The following TSHZ2 variants were observed in gnomAD, a reference collection of about 807,000 sequenced individuals.
The protein encoded by TSHZ2 is teashirt zinc finger homeobox 2.
Under a neutral mutation model 74.4 loss-of-function variants are expected in TSHZ2, and 21 were observed. The ratio of observed to expected loss-of-function variants is 0.28; its 90% confidence interval spans 0.20 to 0.41. TSHZ2 has a LOEUF of 0.41. Among genes scored for constraint, TSHZ2 ranks in the 10% least tolerant of loss-of-function variants. The probability of loss-of-function intolerance (pLI) is 1.00; values close to 1 mark genes in which losing one functional copy is unlikely to be tolerated. For synonymous variants in TSHZ2, 540 were observed against 515.3 expected (o/e 1.05, Z -0.65); for missense variants, 1,244 against 1,293.5 (o/e 0.96, Z 0.59).
At chr20:52,981,998 A>C (rs1981585815) in intron 1 of TSHZ2, among the ~76,000 whole-genome samples, 1 of 152,242 alleles carries the variant, frequency 6.6e-6, no homozygotes, top group South Asian at 2.1e-4. Context: ...AAAGAAATTT[A>C]TAAAGGAAAA....
intron 1 of TSHZ2, among the ~76,000 whole-genome samples, chr20:53,041,263 A>G (rs1218489049): frequency 6.6e-6 from 1 of 152,244 alleles, no homozygotes; most frequent in African/African-American, 2.4e-5. Flanking sequence ...CATCAGAATT[A>G]GGTCTTATTC....
intron 1 of TSHZ2, among the ~76,000 whole-genome samples, chr20:53,141,925 G>C (rs939169383): frequency 2.0e-5 from 3 of 152,234 alleles, no homozygotes; most frequent in Admixed American, 6.5e-5. Flanking sequence ...CCAGGCACCA[G>C]CTGGAAACCT....
At position 53,407,532 on chromosome 20, in the gene TSHZ2, T is replaced by C. The variant is rs1273429055; in HGVS notation, c.*9-79612T>C. On this transcript the variant is annotated intron_variant, in intron 2 of 2. Coordinates refer to ENST00000371497, the MANE Select transcript of TSHZ2 (RefSeq NM_173485.6). ...AGAGATTCATTTCCATGGAATCTCG[T>C]GGAAATGAAGAGGATCAGAAGCCAC... is the stretch of plus-strand genomic sequence containing the variant. 3.9e-5 allele frequency among the ~76,000 whole-genome samples: 6 copies of C among 152,312 alleles called. No homozygotes were observed. In the East Asian group the frequency reaches 1.2e-3, roughly 29 times the overall value.
At chr20:53,024,077 G>T (rs576009847) in intron 1 of TSHZ2, among the ~76,000 whole-genome samples, 10 of 151,064 alleles carry the variant, frequency 6.6e-5, no homozygotes, top group Admixed American at 5.9e-4. Flanking sequence ...GTGGGAAGGA[G>T]AAAAAGTATT....
intron 1 of TSHZ2, among the ~76,000 whole-genome samples, chr20:52,986,076 C>T (rs1981742178): frequency 1.3e-5 from 2 of 152,114 alleles, no homozygotes; most frequent in Admixed American, 1.3e-4. Flanking sequence ...GAGACTTTAG[C>T]AAGCAAAGAT....
At chr20:53,440,022 TAATTTAA>T (rs1036707997) in intron 2 of TSHZ2, among the ~76,000 whole-genome samples, 1 of 152,050 alleles carries the variant, frequency 6.6e-6, no homozygotes, top group Non-Finnish European at 1.5e-5. Context: ...TCTTCAAAGC[TAATTTAA>T]AATTTAAGGG....
chr20:53,429,246 G>C (rs1441073410), intron 2 of TSHZ2, among the ~76,000 whole-genome samples: 1 of 152,084 alleles, frequency 6.6e-6, no homozygotes, highest in Non-Finnish European at 1.5e-5. Flanking sequence ...TGTCAATAGT[G>C]CCAAAACAAA....
intron 1 of TSHZ2, among the ~76,000 whole-genome samples, chr20:53,121,184 A>G (rs1013486903): frequency 6.6e-6 from 1 of 152,182 alleles, no homozygotes; most frequent in Admixed American, 6.5e-5. Flanking sequence ...CTGTTGCTCC[A>G]TATGTGTGTC....
intron 2 of TSHZ2, among the ~76,000 whole-genome samples, chr20:53,480,928 C>T (rs1032778584): frequency 7.2e-5 from 11 of 152,162 alleles, no homozygotes; most frequent in African/African-American, 2.2e-4. Flanking sequence ...TACATCTCTT[C>T]GCCTGGCTCT....
intron 1 of TSHZ2, among the ~76,000 whole-genome samples, chr20:53,124,938 T>G (rs1252349212): frequency 1.3e-5 from 2 of 152,208 alleles, no homozygotes; most frequent in Non-Finnish European, 2.9e-5. Flanking sequence ...CACTCAACTC[T>G]GCTGCTGTTG....
At chr20:53,204,354 A>G (rs1205664408) in intron 1 of TSHZ2, among the ~76,000 whole-genome samples, 1 of 136,500 alleles carries the variant, frequency 7.3e-6, no homozygotes, top group Non-Finnish European at 1.5e-5. Flanking sequence ...ACATGATGAT[A>G]TGATACTATA....
rs58615640 is a variant in TSHZ2 at position 53,121,580 on chromosome 20, G to A, written c.41-131919G>A. ...CTCAACTCCTGTTTTGAGTTACTAT[G>A]TGGGATGCTACATTCCCCCCTTTAT... is the stretch of plus-strand genomic sequence containing the variant. On this transcript the variant is annotated intron_variant, in intron 1 of 2. Coordinates refer to ENST00000371497, the MANE Select transcript of TSHZ2 (RefSeq NM_173485.6). Among the ~76,000 whole-genome samples the A allele has an allele frequency of 1.5e-3, 222 of 152,312 alleles. 1 individual carries two copies. Among genetic ancestry groups the A allele is most frequent in the African/African-American group, 4.9e-3 (202 of 41,568 alleles).
At chr20:53,433,353 A>C (rs1027030075) in intron 2 of TSHZ2, among the ~76,000 whole-genome samples, 1 of 151,968 alleles carries the variant, frequency 6.6e-6, no homozygotes, top group Non-Finnish European at 1.5e-5. Flanking sequence ...GGGGACAAAG[A>C]GAGACCCTGT....
intron 2 of TSHZ2, among the ~76,000 whole-genome samples, chr20:53,441,929 G>A (rs1314073965): frequency 6.6e-6 from 1 of 152,098 alleles, no homozygotes; most frequent in Middle Eastern, 3.2e-3. Context: ...CCACTCGAGG[G>A]CTGTGCAGAA....
chr20:53,205,166 T>C (rs570202096), intron 1 of TSHZ2, among the ~76,000 whole-genome samples: 10 of 151,664 alleles, frequency 6.6e-5, no homozygotes, highest in African/African-American at 2.2e-4. Flanking sequence ...TCTGGATTTG[T>C]CTACAGGTTT....
intron 2 of TSHZ2, among the ~76,000 whole-genome samples, chr20:53,322,678 A>T (rs781728013): frequency 6.6e-6 from 1 of 152,170 alleles, no homozygotes; most frequent in Non-Finnish European, 1.5e-5. Context: ...TTCCAAGCCC[A>T]AGCTGCCACT....
At chr20:52,980,237 C>T (rs1333937372) in intron 1 of TSHZ2, among the ~76,000 whole-genome samples, 2 of 152,182 alleles carry the variant, frequency 1.3e-5, no homozygotes, top group African/African-American at 4.8e-5. Context: ...AACAGCATTG[C>T]GTTTTAGCTA....
At chr20:53,411,888 T>C (rs1281288614) in intron 2 of TSHZ2, among the ~76,000 whole-genome samples, 5 of 152,210 alleles carry the variant, frequency 3.3e-5, no homozygotes, top group Non-Finnish European at 7.3e-5. Context: ...TAAATTAGCC[T>C]ATTCAAGCAA....
At chr20:53,261,899 C>T (rs191046636) in intron 2 of TSHZ2, among the ~76,000 whole-genome samples, 134 of 152,128 alleles carry the variant, frequency 8.8e-4, no homozygotes, top group Non-Finnish European at 1.5e-3. Context: ...AACGTCTTTG[C>T]GAAAGTGAGG....
Sources: allele counts gnomAD v4.1 joint callset (sites outside exome capture counted in the v4.1 genomes callset), GRCh38; gene constraint gnomAD v4.1.1; transcripts MANE v1.5; gene names NCBI Gene and HGNC (gene_info 2026-07-23, HGNC 2026-07-21).